NRG3: variants seen among roughly 807,000 people sequenced by gnomAD.
The protein encoded by NRG3 is neuregulin 3.
A neutral mutation model predicts 66.9 loss-of-function variants in NRG3; 31 were observed. That is an observed-to-expected ratio of 0.46 (90% confidence interval 0.35 to 0.63). NRG3 has a LOEUF of 0.63. Ranked by LOEUF, NRG3 falls within the 20% of genes least tolerant of loss-of-function variation. The pLI is 0.00. For missense variants in NRG3, 910 were observed against 878.9 expected (o/e 1.04, Z -0.45); for synonymous variants, 393 against 359.4 (o/e 1.09, Z -1.06).
intron 1 of NRG3, chr10:82,224,239 T>G (rs1449600449): frequency 6.6e-6 from 1 of 152,190 alleles, no homozygotes. Flanking sequence ...TTTATTTTGG[T>G]GAAATATTTG....
intron 2 of NRG3, among the ~76,000 whole-genome samples, chr10:82,397,613 A>G (rs1337823642): frequency 2.6e-5 from 4 of 152,188 alleles, no homozygotes; most frequent in African/African-American, 9.6e-5. Flanking sequence ...GCCAGCTTCT[A>G]AATGCCAGGG....
chr10:82,343,133 A>G (rs1467996100), intron 1 of NRG3, among the ~76,000 whole-genome samples: 1 of 152,054 alleles, frequency 6.6e-6, no homozygotes, highest in Admixed American at 6.6e-5. Flanking sequence ...CCAAAACAGT[A>G]TGGTACTGGA....
At chr10:82,510,280 A>C (rs1338768566) in intron 2 of NRG3, among the ~76,000 whole-genome samples, 1 of 152,090 alleles carries the variant, frequency 6.6e-6, no homozygotes. Context: ...CATTGTTTCC[A>C]TCGTGCATCT....
At chr10:82,074,685 A>G (rs186059162) in intron 1 of NRG3, among the ~76,000 whole-genome samples, 1 of 152,244 alleles carries the variant, frequency 6.6e-6, no homozygotes, top group African/African-American at 2.4e-5. Context: ...TTTTAAAAAA[A>G]GATTAGCTGG....
At chr10:82,652,792 A>T (rs898572026) in intron 2 of NRG3, among the ~76,000 whole-genome samples, 2 of 152,154 alleles carry the variant, frequency 1.3e-5, no homozygotes, top group African/African-American at 4.8e-5. Flanking sequence ...CATCAATGTC[A>T]TGAGAGATTT....
Position 82,853,079 on chromosome 10 carries a change from T to A in NRG3, c.1028-12332T>A, listed in dbSNP as rs1235944056. On this transcript the variant is annotated intron_variant, in intron 3 of 8. Transcript: ENST00000372141. Reference sequence around the variant, plus strand: ...AGGATTTTACCTTCCTCCAACCCACTGTAGGTGATTTGCAATTCAATGAGC... The same window carrying A: ...AGGATTTTACCTTCCTCCAACCCACAGTAGGTGATTTGCAATTCAATGAGC... Among the ~76,000 whole-genome samples, 3 of 152,162 alleles carry A rather than the reference T, an allele frequency of 2.0e-5. No homozygotes were observed. In the East Asian group the frequency reaches 5.8e-4, roughly 29 times the overall value.
At chr10:82,916,690 A>G (rs7918160) in intron 4 of NRG3, among the ~76,000 whole-genome samples, 46,617 of 151,502 alleles carry the variant, frequency 0.31, 7,480 homozygotes, top group East Asian at 0.52. Flanking sequence ...GCAGTGGTGC[A>G]ATCTCAGCTC....
chr10:82,119,756 C>G (rs1413558724), intron 1 of NRG3, among the ~76,000 whole-genome samples: 1 of 152,110 alleles, frequency 6.6e-6, no homozygotes, highest in Admixed American at 6.6e-5. Flanking sequence ...CAGCTTGACT[C>G]TCTTATTGAT....
chr10:82,694,105 C>T (rs1021881507), intron 2 of NRG3, among the ~76,000 whole-genome samples: 24 of 152,110 alleles, frequency 1.6e-4, no homozygotes, highest in African/African-American at 5.8e-4. Flanking sequence ...CTGATTGGTG[C>T]GTTTTTACAG....
intron 3 of NRG3, among the ~76,000 whole-genome samples, chr10:82,861,194 G>A (rs916162072): frequency 2.6e-5 from 4 of 151,676 alleles, no homozygotes; most frequent in African/African-American, 9.7e-5. Flanking sequence ...GAGAGAGAGA[G>A]AAAGAAAGAG....
chr10:82,591,480 T>C (rs2046981191), intron 2 of NRG3, among the ~76,000 whole-genome samples: 1 of 152,200 alleles, frequency 6.6e-6, no homozygotes, highest in African/African-American at 2.4e-5. Context: ...GTAAACTCAA[T>C]TTGATTCAGA....
chr10:81,945,527 A>T (rs748151978), intron 1 of NRG3, among the ~76,000 whole-genome samples: 3 of 152,170 alleles, frequency 2.0e-5, no homozygotes, highest in Non-Finnish European at 4.4e-5. Flanking sequence ...GGCATTTCAT[A>T]GAACACATAA....
At chr10:82,953,742 C>T (rs1377605977) in intron 5 of NRG3, among the ~76,000 whole-genome samples, 1 of 151,740 alleles carries the variant, frequency 6.6e-6, no homozygotes, top group Non-Finnish European at 1.5e-5. Context: ...GAGGCTGAGG[C>T]AGGAAGATCA....
At chr10:82,624,536 C>CTT (rs1056892621) in intron 2 of NRG3, among the ~76,000 whole-genome samples, 12 of 152,010 alleles carry the variant, frequency 7.9e-5, no homozygotes, top group Admixed American at 7.2e-4. Context: ...ACCTCATACT[C>CTT]TGACTTATGA....
At chr10:82,011,882 G>A (rs2061591983) in intron 1 of NRG3, among the ~76,000 whole-genome samples, 1 of 152,124 alleles carries the variant, frequency 6.6e-6, no homozygotes, top group African/African-American at 2.4e-5. Context: ...GCTTTCAGAG[G>A]CTGGTGTTGA....
chr10:82,428,047 A>T (rs1263460188), intron 2 of NRG3, among the ~76,000 whole-genome samples: 1 of 151,844 alleles, frequency 6.6e-6, no homozygotes, highest in East Asian at 1.9e-4. Context: ...TTTGGAAGTG[A>T]TATCTCCTCT....
At chr10:81,976,367 C>T (rs1398302680) in intron 1 of NRG3, among the ~76,000 whole-genome samples, 2 of 152,142 alleles carry the variant, frequency 1.3e-5, no homozygotes, top group African/African-American at 4.8e-5. Context: ...TCTTCCTGTC[C>T]TTTCCACCCC....
At chr10:82,773,014 A>G (rs1362930994) in intron 3 of NRG3, among the ~76,000 whole-genome samples, 4 of 151,998 alleles carry the variant, frequency 2.6e-5, no homozygotes, top group Non-Finnish European at 5.9e-5. Context: ...CTGTTTCCGT[A>G]TCTTGGCTAT....
At chr10:82,319,848 ACTGT>A (rs1305697403) in intron 1 of NRG3, among the ~76,000 whole-genome samples, 1 of 152,178 alleles carries the variant, frequency 6.6e-6, no homozygotes, top group African/African-American at 2.4e-5. Flanking sequence ...TGGTTAGAGA[ACTGT>A]CTGTCTGAAT....
Sources: gnomAD v4.1 joint callset for allele counts (sites outside exome capture counted in the v4.1 genomes callset) on GRCh38, gnomAD v4.1.1 for gene constraint, MANE v1.5 for transcripts, NCBI Gene and HGNC (gene_info 2026-07-23, HGNC 2026-07-21) for gene names.